ZNF536: variants seen among roughly 807,000 people sequenced by gnomAD.
ZNF536 encodes the protein zinc finger protein 536.
In ZNF536, 13 loss-of-function variants were observed where a neutral mutation model predicts 84.5. The ratio of observed to expected loss-of-function variants is 0.15; its 90% CI spans 0.10 to 0.24. The LOEUF (loss-of-function observed/expected upper bound fraction) is 0.24. ZNF536 is among the 10% of genes least tolerant of loss of function. ZNF536 has a pLI of 1.00. For missense variants in ZNF536, 1,536 were observed against 1,747.5 expected (o/e 0.88, Z 2.16); for synonymous variants, 811 against 742.5 (o/e 1.09, Z -1.50).
At position 30,547,321 on chromosome 19, in the gene ZNF536, A is replaced by G. The variant is rs368776540; in HGVS notation, c.2324-622A>G. 3.8e-4 allele frequency among the ~76,000 whole-genome samples: 58 copies of G among 152,338 alleles called. 1 individual carries two copies. In the South Asian group the frequency reaches 0.012, roughly 32 times the overall value. ...TTAATATTTTATAGAATATGTATTTATAGTTCTTTATTTAGAAACAGTGCA... is the reference window on the plus strand; with the variant it reads ...TTAATATTTTATAGAATATGTATTTGTAGTTCTTTATTTAGAAACAGTGCA... On this transcript the variant is annotated intron_variant, in intron 3 of 4. Coordinates refer to ENST00000355537, the MANE Select transcript of ZNF536 (RefSeq NM_014717.3).
chr19:30,608,425 A>G (rs1181013292), intron 1 of ZNF536, among the ~76,000 whole-genome samples: 1 of 152,150 alleles, frequency 6.6e-6, no homozygotes, highest in Non-Finnish European at 1.5e-5. Context: ...AGACTTGTGT[A>G]GGGTGATATG....
chr19:30,448,114 T>C (rs544753289), intron 2 of ZNF536, among the ~76,000 whole-genome samples: 3 of 152,226 alleles, frequency 2.0e-5, no homozygotes, highest in Non-Finnish European at 2.9e-5. Context: ...TTTCCCCTCA[T>C]TGAAGTATTT....
chr19:30,322,417 C>A (rs984370231), intron 2 of ZNF536, among the ~76,000 whole-genome samples: 2 of 152,172 alleles, frequency 1.3e-5, no homozygotes, highest in South Asian at 2.1e-4. Flanking sequence ...TCAGAGGACT[C>A]CACTGTGCTT....
intron 2 of ZNF536, among the ~76,000 whole-genome samples, chr19:30,457,868 C>T (rs1268693987): frequency 6.6e-6 from 1 of 152,174 alleles, no homozygotes; most frequent in Non-Finnish European, 1.5e-5. Context: ...GGCTGCACCC[C>T]CAGTATGTCA....
At chr19:30,264,401 GTGTGTGTGTGTGTGTGTGTA>G (rs1343370962) in intron 1 of ZNF536, among the ~76,000 whole-genome samples, 1 of 109,854 alleles carries the variant, frequency 9.1e-6, no homozygotes, top group Non-Finnish European at 2.0e-5. Flanking sequence ...GCCTCTGTGT[GTGTGTGTGTGTGTGTGTGTA>G]TGTGTGTGTA....
chr19:30,666,540 AC>A (rs1028241386), intron 1 of ZNF536, among the ~76,000 whole-genome samples: 2 of 151,766 alleles, frequency 1.3e-5, no homozygotes, highest in Non-Finnish European at 2.9e-5. Context: ...CATTTCTATT[AC>A]TGTTTAGGCT....
chr19:30,563,044 G>A (rs77028514), downstream of ZNF536, among the ~76,000 whole-genome samples: 4 of 152,278 alleles, frequency 2.6e-5, no homozygotes, highest in East Asian at 7.7e-4. Flanking sequence ...TGAATATGAA[G>A]AACTTGGAGG....
intron 1 of ZNF536, among the ~76,000 whole-genome samples, chr19:30,610,406 C>T (rs1006787121): frequency 6.6e-6 from 1 of 152,126 alleles, no homozygotes; most frequent in Admixed American, 6.5e-5. Context: ...ACTTCAGATC[C>T]CCCTTGGTGG....
At chr19:30,360,295 A>T (rs1256889162) in intron 3 of ZNF536, among the ~76,000 whole-genome samples, 1 of 152,208 alleles carries the variant, frequency 6.6e-6, no homozygotes, top group Non-Finnish European at 1.5e-5. Flanking sequence ...TTCACATGCA[A>T]CATGGAGTTT....
At chr19:30,291,896 G>T (rs1276065891) in intron 2 of ZNF536, among the ~76,000 whole-genome samples, 1 of 152,080 alleles carries the variant, frequency 6.6e-6, no homozygotes, top group African/African-American at 2.4e-5. Context: ...AATATTTCGT[G>T]ATACCGGGAC....
At chr19:30,380,380 A>T (rs1263786101) in intron 1 of ZNF536, among the ~76,000 whole-genome samples, 1 of 151,930 alleles carries the variant, frequency 6.6e-6, no homozygotes, top group Non-Finnish European at 1.5e-5. Context: ...GAGACGGGCC[A>T]CCCTGCAGTG....
chr19:30,563,229 C>T (rs1009872014), intron 1 of ZNF536, among the ~76,000 whole-genome samples: 3 of 152,090 alleles, frequency 2.0e-5, no homozygotes, highest in African/African-American at 4.8e-5. Context: ...TTGTACTCAC[C>T]GCTGGAAGGT....
chr19:30,681,936 G>A (rs1339974775), intron 1 of ZNF536, among the ~76,000 whole-genome samples: 1 of 152,206 alleles, frequency 6.6e-6, no homozygotes, highest in Non-Finnish European at 1.5e-5. Flanking sequence ...AGGCTTCCCT[G>A]AAGTTGGGGT....
rs190636475 is a variant in ZNF536, at chr19:30,604,095, A to T, written c.169+54581A>T. ...GCAGAGCAAGACTCCATCTTAATTT[A>T]AAAAAAAAGTGTGCACAGGGTAAAC... On this transcript the variant is annotated intron_variant, in intron 1 of 1. Coordinates refer to the ZNF536 transcript ENST00000592773. Among the ~76,000 whole-genome samples the T allele has an allele frequency of 5.4e-3, 826 of 151,592 alleles. 7 individuals are homozygous for T. The highest frequency in any genetic ancestry group is 0.015 in the African/African-American group (629 of 41,344).
At chr19:30,337,808 C>T (rs774017462) in intron 2 of ZNF536, among the ~76,000 whole-genome samples, 5 of 152,156 alleles carry the variant, frequency 3.3e-5, no homozygotes, top group South Asian at 2.1e-4. Flanking sequence ...AATGTAATAA[C>T]GCATGGAAGT....
chr19:30,264,023 G>T (rs1238524085), intron 1 of ZNF536, among the ~76,000 whole-genome samples: 1 of 152,168 alleles, frequency 6.6e-6, no homozygotes, highest in Non-Finnish European at 1.5e-5. Context: ...AACTTGAAAG[G>T]TTAGCTATGA....
At chr19:30,476,395 C>T (rs2144738440) in intron 2 of ZNF536, among the ~76,000 whole-genome samples, 1 of 152,192 alleles carries the variant, frequency 6.6e-6, no homozygotes, top group South Asian at 2.1e-4. Context: ...AGTAGGTAAA[C>T]AATTGTAGGT....
intron 1 of ZNF536, among the ~76,000 whole-genome samples, chr19:30,263,066 C>T (rs1199586835): frequency 6.6e-6 from 1 of 151,964 alleles, no homozygotes; most frequent in Non-Finnish European, 1.5e-5. Context: ...TCCTGGTGTC[C>T]CCTAGGTGAG....
chr19:30,544,019 A>G (rs556809793), intron 3 of ZNF536, among the ~76,000 whole-genome samples: 3 of 152,294 alleles, frequency 2.0e-5, no homozygotes, highest in Middle Eastern at 3.4e-3. Context: ...GGGCTTTGAG[A>G]TAGAGGGCAG....
Sources: gnomAD v4.1 joint callset for allele counts (sites outside exome capture counted in the v4.1 genomes callset) on GRCh38, gnomAD v4.1.1 for gene constraint, MANE v1.5 for transcripts, NCBI Gene and HGNC (gene_info 2026-07-23, HGNC 2026-07-21) for gene names.